The following GPR137B variants were observed in gnomAD, a reference collection of about 807,000 sequenced individuals.
GPR137B encodes the protein G protein-coupled receptor 137B.
GPR137B carries 42 observed loss-of-function variants against 42.5 expected under a neutral mutation model. The observed-to-expected ratio is 0.99, with a 90% CI of 0.77 to 1.28. The LOEUF (loss-of-function observed/expected upper bound fraction) is 1.28, where lower values mean the gene tolerates loss of function less well. Among genes scored for constraint, GPR137B ranks in the 50% most tolerant of loss-of-function variants. The probability of loss-of-function intolerance (pLI) is 0.00; values close to 1 mark genes in which losing one functional copy is unlikely to be tolerated. For missense variants in GPR137B, 487 were observed against 493.9 expected (o/e 0.99, Z 0.13); for synonymous variants, 218 against 209.7 (o/e 1.04, Z -0.34).
intron 5 of GPR137B, among the ~76,000 whole-genome samples, chr1:236,192,160 A>C (rs1372089233): frequency 6.6e-6 from 1 of 152,110 alleles, no homozygotes; most frequent in Non-Finnish European, 1.5e-5. Flanking sequence ...GCAATGGCGG[A>C]TGTCCCTCCC....
intron 4 of GPR137B, among the ~76,000 whole-genome samples, chr1:236,180,519 C>T (rs1443782088): frequency 3.3e-5 from 5 of 152,124 alleles, no homozygotes; most frequent in African/African-American, 1.2e-4. Flanking sequence ...CTGCCTTGTT[C>T]CCTTTTGAGA....
chr1:236,177,619 C>T (rs1003587392), intron 2 of GPR137B, among the ~76,000 whole-genome samples: 4 of 151,978 alleles, frequency 2.6e-5, no homozygotes, highest in African/African-American at 9.7e-5. Flanking sequence ...TGCAGTGGCG[C>T]GATCTCGGCT....
rs372051764 is a variant in GPR137B, at chr1:236,149,638, G to T, written c.414+6602G>T. Among the ~76,000 whole-genome samples, 5 of 152,256 alleles carry T rather than the reference G, an allele frequency of 3.3e-5. No individual in the cohort carries two copies. In the East Asian group the frequency reaches 9.6e-4, roughly 29 times the overall value. ...TGTCGTGTGGCAGGCCCTAGTCTAG[G>T]AGTTGTGAAGAGGGAAGCTTCTAGG... On this transcript the variant is annotated intron_variant, in intron 1 of 6. Transcript: ENST00000366592.
rs754745723 is a variant in GPR137B at position 236,208,066 on chromosome 1, T to C, written c.1108T>C (p.Tyr370His). The C allele has an allele frequency of 1.2e-6, 2 of 1,612,606 alleles. No individual in the cohort carries two copies. The highest frequency in any genetic ancestry group is 1.7e-6 in the Non-Finnish European group (2 of 1,178,684). ...CTTTTTAAGTTTTGCTCCAGATTAC[T>C]ATGATTGGGGACAACAAACTAACAG... Reference protein sequence around the residue: ...GLQGGFAPDYYDWGQQTNSFL... With the variant: ...GLQGGFAPDYHDWGQQTNSFL... The change falls in exon 7 of 7, where the codon TAT becomes CAT. Residue 370 changes from tyrosine (Y) to histidine (H), a missense_variant. Transcript: ENST00000366592.
chr1:236,149,648 G>T (rs994926513), intron 1 of GPR137B, among the ~76,000 whole-genome samples: 1 of 152,246 alleles, frequency 6.6e-6, no homozygotes, highest in Non-Finnish European at 1.5e-5. Context: ...GAGTTGTGAA[G>T]AGGGAAGCTT....
rs375852471 is a variant in GPR137B at position 236,178,954 on chromosome 1, C to T, written c.687+318C>T. Among the ~76,000 whole-genome samples the T allele has an allele frequency of 1.3e-4, 20 of 151,470 alleles. No homozygotes were observed. The South Asian group carries it at 2.5e-3, about 19-fold the overall frequency. On this transcript the variant is annotated intron_variant, in intron 3 of 6. Coordinates refer to ENST00000366592, the MANE Select transcript of GPR137B (RefSeq NM_003272.4). ...CTGGGACTACAGGCACCCACCACTACGCCTGGCTAATTTTTTGTATTTTTA... is the reference window on the plus strand; with the variant it reads ...CTGGGACTACAGGCACCCACCACTATGCCTGGCTAATTTTTTGTATTTTTA...
intron 1 of GPR137B, among the ~76,000 whole-genome samples, chr1:236,166,656 G>A (rs1388115920): frequency 3.3e-5 from 5 of 151,858 alleles, no homozygotes; most frequent in Non-Finnish European, 7.4e-5. Flanking sequence ...GAAGCTCGGA[G>A]GAGGTTATAA....
chr1:236,178,142 C>T lies in GPR137B; in HGVS notation c.465-272C>T, dbSNP rs149046406. ...TTCGCTGTGAGTAGGGAGCGCTCAG[C>T]GAGTGTCCACGCCAGCCAACGAGTG... On this transcript the variant is annotated intron_variant, in intron 2 of 6. Coordinates refer to ENST00000366592, the MANE Select transcript of GPR137B (RefSeq NM_003272.4). 8.2e-4 allele frequency among the ~76,000 whole-genome samples: 125 copies of T among 152,212 alleles called. 1 individual carries two copies. The highest frequency in any genetic ancestry group is 2.7e-3 in the African/African-American group (113 of 41,550).
At position 236,156,206 on chromosome 1, in the gene GPR137B, C is replaced by T. The variant is rs1021839037; in HGVS notation, c.415-12500C>T. Among the ~76,000 whole-genome samples the T allele has an allele frequency of 1.3e-5, 2 of 152,172 alleles. No individual in the cohort carries two copies. The highest frequency in any genetic ancestry group is 4.8e-5 in the African/African-American group (2 of 41,446). ...GGGGCCCACATTCCAAGGGCCAGCA[C>T]GAGGCCAGGAGCAGGCAGGACCAGC... On this transcript the variant is annotated intron_variant, in intron 1 of 6. Coordinates refer to ENST00000366592, the MANE Select transcript of GPR137B (RefSeq NM_003272.4). The surrounding 1 kb of genome is among the most constrained non-coding windows in gnomAD (Gnocchi z 4.8).
chr1:236,186,890 G>C (rs1200806240), intron 5 of GPR137B, among the ~76,000 whole-genome samples: 1 of 152,124 alleles, frequency 6.6e-6, no homozygotes, highest in African/African-American at 2.4e-5. Context: ...GGGTCAAATG[G>C]TATTTCTAGT....
At chr1:236,180,257 A>G (rs1437696057) in intron 4 of GPR137B, 3 of 437,152 alleles carry the variant, frequency 6.9e-6, no homozygotes, top group Non-Finnish European at 1.2e-5. Context: ...CAGTTGTTAT[A>G]CTACATTGTT....
chr1:236,160,257 C>T (rs980418561), intron 1 of GPR137B, among the ~76,000 whole-genome samples: 1 of 152,116 alleles, frequency 6.6e-6, no homozygotes, highest in Admixed American at 6.6e-5. Flanking sequence ...CTGAAAAACC[C>T]CGGTGTTTTC....
At chr1:236,166,463 A>AT in intron 1 of GPR137B, among the ~76,000 whole-genome samples, 1 of 140,044 alleles carries the variant, frequency 7.1e-6, no homozygotes, top group Non-Finnish European at 1.5e-5. Flanking sequence ...AATGTATATT[A>AT]AATATATACA....
At chr1:236,184,022 T>C in intron 5 of GPR137B, 116 bp downstream of exon 5, 1 of 661,736 alleles carries the variant, frequency 1.5e-6, no homozygotes, top group East Asian at 2.8e-5. Flanking sequence ...TGTGGTGGTA[T>C]GAAAAGTTTC....
chr1:236,172,766 C>G (rs1348910131), intron 2 of GPR137B, among the ~76,000 whole-genome samples: 1 of 150,900 alleles, frequency 6.6e-6, no homozygotes, highest in East Asian at 1.9e-4. Context: ...CTCACTATAG[C>G]TTTAATCTCC....
At chr1:236,172,299 G>A (rs972344233) in intron 2 of GPR137B, among the ~76,000 whole-genome samples, 4 of 152,156 alleles carry the variant, frequency 2.6e-5, no homozygotes, top group African/African-American at 9.7e-5. Flanking sequence ...TTGGTATGTT[G>A]GCTTCTAAAT....
Position 236,168,693 on chromosome 1 carries a change from T to A in GPR137B, c.415-13T>A. On this transcript the variant is annotated splice_polypyrimidine_tract_variant and intron_variant, in intron 1 of 6. Coordinates refer to ENST00000366592, the MANE Select transcript of GPR137B (RefSeq NM_003272.4). The stretch of plus-strand genomic sequence containing the variant: ...ATTGGACCCCAACCTGCCATGCTTT[T>A]CTGTCGTTGCAGGTGATTTTCAAAG... 1 of 1,609,024 alleles carries A rather than the reference T, an allele frequency of 6.2e-7. No homozygotes were observed. Among genetic ancestry groups the A allele is most frequent in the Non-Finnish European group, 8.5e-7 (1 of 1,175,284 alleles).
chr1:236,167,363 T>G (rs1662391291), intron 1 of GPR137B, among the ~76,000 whole-genome samples: 1 of 152,212 alleles, frequency 6.6e-6, no homozygotes, highest in East Asian at 1.9e-4. Flanking sequence ...CCCCAGGACT[T>G]ACTCAACGTG....
At chr1:236,184,373 A>G (rs1276308158) in intron 5 of GPR137B, among the ~76,000 whole-genome samples, 1 of 152,196 alleles carries the variant, frequency 6.6e-6, no homozygotes, top group African/African-American at 2.4e-5. Context: ...GGAATGCTAA[A>G]CCTGCTCCCC....
Sources: allele counts gnomAD v4.1 joint callset (sites outside exome capture counted in the v4.1 genomes callset), GRCh38; gene constraint gnomAD v4.1.1; non-coding constraint Gnocchi (gnomAD v3.1); transcripts MANE v1.5; gene names NCBI Gene and HGNC (gene_info 2026-07-23, HGNC 2026-07-21).